Variants in ARMH3 observed in about 807,000 individuals in gnomAD.
ARMH3 encodes armadillo-like helical domain-containing protein 3.
In ARMH3, 60 loss-of-function variants were observed where a neutral mutation model predicts 99.1. The observed-to-expected ratio is 0.61, with a 90% confidence interval of 0.49 to 0.75. ARMH3 has a LOEUF of 0.75. Ranked by LOEUF, ARMH3 falls within the 30% of genes least tolerant of loss-of-function variation. The pLI, the probability that ARMH3 is intolerant of heterozygous loss-of-function variation, is 0.00. For missense variants in ARMH3, 679 were observed against 843.1 expected, an observed-to-expected ratio of 0.81 and a Z score of 2.41; for synonymous variants, 285 against 292.8, an observed-to-expected ratio of 0.97 and a Z score of 0.27.
chr10:101,917,457 T>A (rs1014622163), intron 23 of ARMH3, among the ~76,000 whole-genome samples: 1 of 152,250 alleles, frequency 6.6e-6, no homozygotes, highest in Non-Finnish European at 1.5e-5. Context: ...TGTAGAATAG[T>A]ATTTCATTAT....
chr10:101,988,758 A>G (rs1846628913), intron 19 of ARMH3, among the ~76,000 whole-genome samples: 1 of 152,076 alleles, frequency 6.6e-6, no homozygotes, highest in Non-Finnish European at 1.5e-5. Context: ...CCCTGTCTCT[A>G]CTAAAAAATA....
At chr10:101,984,175 G>GT (rs892277857) in intron 19 of ARMH3, among the ~76,000 whole-genome samples, 1 of 152,124 alleles carries the variant, frequency 6.6e-6, no homozygotes, top group African/African-American at 2.4e-5. Context: ...AAAACACTAT[G>GT]TTTTTTTACA....
At chr10:102,041,090 A>AATATATATATATATATATATATAATAT (rs59124276) in intron 1 of ARMH3, among the ~76,000 whole-genome samples, 4 of 132,642 alleles carry the variant, frequency 3.0e-5, no homozygotes, top group East Asian at 4.1e-4. Context: ...ATATATATAT[A>AATATATATATATATATATATATAATAT]ATATATATAT....
At chr10:102,029,392 T>C in intron 5 of ARMH3, 1 of 1,403,048 alleles carries the variant, frequency 7.1e-7, no homozygotes, top group Non-Finnish European at 9.5e-7. Context: ...ATGATACGAG[T>C]AATAAAATAA....
chr10:101,977,330 T>C (rs1846056429), intron 19 of ARMH3, among the ~76,000 whole-genome samples: 1 of 152,152 alleles, frequency 6.6e-6, no homozygotes, highest in African/African-American at 2.4e-5. Context: ...TTTTTTCATC[T>C]CTGACTGAGA....
chr10:101,905,868 A>G (rs1322098275), intron 23 of ARMH3, among the ~76,000 whole-genome samples: 1 of 152,250 alleles, frequency 6.6e-6, no homozygotes, highest in Admixed American at 6.5e-5. Context: ...AGAAAGAATT[A>G]TAACTACCTT....
intron 5 of ARMH3, chr10:102,029,396 A>C: frequency 6.9e-7 from 1 of 1,440,768 alleles, no homozygotes; most frequent in Non-Finnish European, 9.3e-7. Context: ...TACGAGTAAT[A>C]AAATAAACTA....
intron 23 of ARMH3, among the ~76,000 whole-genome samples, chr10:101,893,811 T>C (rs1231266763): frequency 6.6e-6 from 1 of 152,178 alleles, no homozygotes; most frequent in South Asian, 2.1e-4. Flanking sequence ...TGTACACTTG[T>C]TTCCTTCCCT....
Position 101,956,662 on chromosome 10 carries a change from C to T in ARMH3, c.1640G>A (p.Ser547Asn), listed in dbSNP as rs1373123077. 4 of 1,613,654 alleles carry T rather than the reference C, an allele frequency of 2.5e-6. No individual in the cohort carries two copies. Among genetic ancestry groups the T allele is most frequent in the Non-Finnish European group, 3.4e-6 (4 of 1,179,740 alleles). The change falls in exon 22 of 26, where the codon AGC becomes AAC. Residue 547 changes from serine (S) to asparagine (N), a missense_variant. Transcript: ENST00000370033. ...AATCTCATAGTAAAGTTCATCATAG[C>T]TGCTGGGGGTTGGCAGAAATGTGTC... ...YGDTFLPTPSSYDELYYEIIR... is the reference protein window; with the variant it reads ...YGDTFLPTPSNYDELYYEIIR...
chr10:101,905,446 C>G (rs2068080537), intron 23 of ARMH3, among the ~76,000 whole-genome samples: 1 of 152,082 alleles, frequency 6.6e-6, no homozygotes, highest in African/African-American at 2.4e-5. Flanking sequence ...TGTACAAAAC[C>G]CTTTGGCAAT....
At chr10:102,050,209 G>A (rs373262768) in intron 1 of ARMH3, among the ~76,000 whole-genome samples, 7 of 151,910 alleles carry the variant, frequency 4.6e-5, no homozygotes, top group East Asian at 1.9e-4. Context: ...TTGGGAGGCC[G>A]AGGAGGGCAG....
chr10:101,930,089 T>C lies in ARMH3; in HGVS notation c.1781+9774A>G, dbSNP rs566034519. 1.5e-3 allele frequency among the ~76,000 whole-genome samples: 235 copies of C among 152,250 alleles called. 2 individuals carry two copies. Among genetic ancestry groups the C allele is most frequent in the Non-Finnish European group, 2.6e-3 (179 of 68,010 alleles). On this transcript the variant is annotated intron_variant, in intron 23 of 25. Coordinates refer to ENST00000370033, the MANE Select transcript of ARMH3 (RefSeq NM_024541.3). ...AGATGCTCATCCTGTACTAGCAAAC[T>C]GAGTCCTGCAAAATATAAAAATTAT...
chr10:101,881,889 C>T (rs1174533223), intron 24 of ARMH3, among the ~76,000 whole-genome samples: 2 of 152,328 alleles, frequency 1.3e-5, no homozygotes, highest in Non-Finnish European at 2.9e-5. Flanking sequence ...CCTACCACTC[C>T]TCTTTCAAGG....
At chr10:101,907,005 C>T (rs1842658768) in intron 23 of ARMH3, among the ~76,000 whole-genome samples, 1 of 152,138 alleles carries the variant, frequency 6.6e-6, no homozygotes. Flanking sequence ...GACTTTCCAC[C>T]TGTCTAGACT....
At chr10:101,979,700 A>G (rs1846149412) in intron 19 of ARMH3, among the ~76,000 whole-genome samples, 1 of 152,242 alleles carries the variant, frequency 6.6e-6, no homozygotes, top group Non-Finnish European at 1.5e-5. Flanking sequence ...TGCAATTTAC[A>G]GCTTTCACGG....
chr10:101,892,363 G>A (rs2067714496), intron 23 of ARMH3, among the ~76,000 whole-genome samples: 1 of 152,318 alleles, frequency 6.6e-6, no homozygotes, highest in South Asian at 2.1e-4. Context: ...GAAGGCTGAA[G>A]TGGGAGGATC....
At chr10:102,004,345 A>G (rs2066435677) in intron 14 of ARMH3, among the ~76,000 whole-genome samples, 1 of 152,232 alleles carries the variant, frequency 6.6e-6, no homozygotes, top group Non-Finnish European at 1.5e-5. Context: ...AATAGAACAG[A>G]GACAGAATAA....
chr10:102,012,863 A>G lies in ARMH3; in HGVS notation c.740T>C (p.Val247Ala). 1 of 1,610,682 alleles carries G rather than the reference A, an allele frequency of 6.2e-7. No individual in the cohort carries two copies. The highest frequency in any genetic ancestry group is 1.7e-4 in the Middle Eastern group (1 of 6,052). The change falls in exon 10 of 26, where the codon GTA becomes GCA. Residue 247 changes from valine to alanine, a missense_variant. Val to Ala is a moderately conservative substitution (Grantham distance 64). This residue lies in a region of ARMH3 where 280 missense variants were observed against 354.6 expected (regional missense o/e 0.79). Coordinates refer to ENST00000370033, the MANE Select transcript of ARMH3 (RefSeq NM_024541.3). Reference sequence around the variant, plus strand: ...GTACTCAGATAAAGCCTGAGCAATTACAAGTCCCATTCCCTAGAAGGGAAA... The same window carrying G: ...GTACTCAGATAAAGCCTGAGCAATTGCAAGTCCCATTCCCTAGAAGGGAAA... The part of the protein sequence containing the change: ...DEATLNGMGL[V>A]IAQALSEYNR...
At chr10:101,972,744 C>G (rs1845825108) in intron 20 of ARMH3, among the ~76,000 whole-genome samples, 1 of 152,190 alleles carries the variant, frequency 6.6e-6, no homozygotes. Context: ...AGGGCTCACC[C>G]AGCCTATACA....
Sources: gnomAD v4.1 joint callset for allele counts (sites outside exome capture counted in the v4.1 genomes callset) on GRCh38, gnomAD v4.1.1 for gene constraint, gnomAD v4.1.1 regional missense constraint, MANE v1.5 for transcripts, NCBI Gene and HGNC (gene_info 2026-07-23, HGNC 2026-07-21) for gene names.